LCLAT1: variants seen among roughly 807,000 people sequenced by gnomAD.
The protein encoded by LCLAT1 is lysocardiolipin acyltransferase 1, also known as 1-AGP acyltransferase 8.
A neutral mutation model predicts 30.7 loss-of-function variants in LCLAT1; 11 were observed. The ratio of observed to expected loss-of-function variants is 0.36; its 90% confidence interval spans 0.23 to 0.59. The LOEUF (loss-of-function observed/expected upper bound fraction) is 0.59, where lower values mean the gene tolerates loss of function less well. LCLAT1 is among the 20% of genes least tolerant of loss of function. The probability of loss-of-function intolerance (pLI) is 0.77; values close to 1 mark genes in which losing one functional copy is unlikely to be tolerated. For missense variants in LCLAT1, 402 were observed against 458.6 expected (o/e 0.88, Z 1.13); for synonymous variants, 155 against 151.3 (o/e 1.02, Z -0.18).
chr2:30,516,684 T>TA (rs1478081381), intron 1 of LCLAT1, among the ~76,000 whole-genome samples: 1 of 152,120 alleles, frequency 6.6e-6, no homozygotes, highest in African/African-American at 2.4e-5. Flanking sequence ...TTGAGAGCTC[T>TA]AAGAACAAAG....
chr2:30,604,672 AAAAAAAAAAAAGT>A (rs1667348249), intron 5 of LCLAT1, among the ~76,000 whole-genome samples: 1 of 150,312 alleles, frequency 6.7e-6, no homozygotes, highest in African/African-American at 2.5e-5. Context: ...AAAAAAAAAA[AAAAAAAAAAAAGT>A]AAACATCATT....
At chr2:30,622,307 T>TC (rs916575236) in intron 5 of LCLAT1, among the ~76,000 whole-genome samples, 3 of 152,130 alleles carry the variant, frequency 2.0e-5, no homozygotes, top group African/African-American at 7.2e-5. Flanking sequence ...CACTTGATGG[T>TC]CTTTCTCTGA....
chr2:30,640,020 G>A, intron 5 of LCLAT1, 97 bp from the exon 6 acceptor site: 1 of 925,682 alleles, frequency 1.1e-6, no homozygotes, highest in South Asian at 1.6e-5. Flanking sequence ...ACACTGTCCT[G>A]ATTTTTCGGT....
intron 5 of LCLAT1, among the ~76,000 whole-genome samples, chr2:30,593,581 T>C (rs1442773719): frequency 6.6e-6 from 1 of 152,182 alleles, no homozygotes; most frequent in African/African-American, 2.4e-5. Context: ...TTTATTTCTG[T>C]GAGTAATGTT....
chr2:30,628,674 C>T (rs962148395), intron 5 of LCLAT1, among the ~76,000 whole-genome samples: 1 of 151,948 alleles, frequency 6.6e-6, no homozygotes, highest in African/African-American at 2.4e-5. Flanking sequence ...GAAAGGAGAT[C>T]GGTGCCATAA....
intron 5 of LCLAT1, among the ~76,000 whole-genome samples, chr2:30,575,995 C>A (rs1572647168): frequency 6.6e-6 from 1 of 151,956 alleles, no homozygotes; most frequent in East Asian, 1.9e-4. Context: ...CTTATGGCAC[C>A]ATTAATAAAA....
intron 5 of LCLAT1, among the ~76,000 whole-genome samples, chr2:30,595,642 A>G (rs1666898303): frequency 6.6e-6 from 1 of 152,086 alleles, no homozygotes; most frequent in Non-Finnish European, 1.5e-5. Flanking sequence ...TATCAAGGTA[A>G]TTTTATTTTA....
intron 1 of LCLAT1, among the ~76,000 whole-genome samples, chr2:30,515,016 C>T (rs1685115738): frequency 6.6e-6 from 1 of 152,132 alleles, no homozygotes; most frequent in African/African-American, 2.4e-5. Flanking sequence ...CTCCCTCAGG[C>T]CTATGTTGTT....
intron 1 of LCLAT1, among the ~76,000 whole-genome samples, chr2:30,472,119 A>G (rs1247974825): frequency 6.6e-6 from 1 of 152,198 alleles, no homozygotes; most frequent in Non-Finnish European, 1.5e-5. Context: ...TTGCTAGTTT[A>G]TGGGACATAG....
At chr2:30,457,822 C>T (rs779636325) in intron 1 of LCLAT1, among the ~76,000 whole-genome samples, 1 of 152,096 alleles carries the variant, frequency 6.6e-6, no homozygotes, top group African/African-American at 2.4e-5. Context: ...CGATTTGGGT[C>T]ACGGAATTTT....
intron 5 of LCLAT1, among the ~76,000 whole-genome samples, chr2:30,593,321 G>A (rs1053266136): frequency 1.3e-5 from 2 of 152,132 alleles, no homozygotes; most frequent in African/African-American, 4.8e-5. Context: ...TTGATAGACA[G>A]GTTCTAAGTC....
chr2:30,482,293 T>C (rs1321265453), intron 1 of LCLAT1, among the ~76,000 whole-genome samples: 1 of 152,082 alleles, frequency 6.6e-6, no homozygotes, highest in Non-Finnish European at 1.5e-5. Flanking sequence ...GTAGGTTAGA[T>C]TTTTTTTCCA....
At chr2:30,469,597 G>A (rs1225603276) in intron 1 of LCLAT1, among the ~76,000 whole-genome samples, 1 of 25,568 alleles carries the variant, frequency 3.9e-5, no homozygotes, top group African/African-American at 2.4e-4. Context: ...TTTTTTTTTT[G>A]AGACGGAGTC....
At chr2:30,474,710 A>T (rs1445163158) in intron 1 of LCLAT1, among the ~76,000 whole-genome samples, 1 of 150,554 alleles carries the variant, frequency 6.6e-6, no homozygotes, top group Non-Finnish European at 1.5e-5. Context: ...GTGCAGTGGC[A>T]CAATCCCAGC....
At chr2:30,634,983 G>A (rs924449113) in intron 5 of LCLAT1, among the ~76,000 whole-genome samples, 1 of 152,202 alleles carries the variant, frequency 6.6e-6, no homozygotes, top group Non-Finnish European at 1.5e-5. Flanking sequence ...GGTCTTGATA[G>A]GATATGAGAA....
At chr2:30,616,728 T>TA (rs1302938693) in intron 5 of LCLAT1, among the ~76,000 whole-genome samples, 1 of 152,048 alleles carries the variant, frequency 6.6e-6, no homozygotes, top group East Asian at 1.9e-4. Context: ...TATCTTGCAT[T>TA]AACCAGGAAA....
chr2:30,510,844 C>A (rs1263819551), intron 1 of LCLAT1, among the ~76,000 whole-genome samples: 1 of 152,012 alleles, frequency 6.6e-6, no homozygotes, highest in Non-Finnish European at 1.5e-5. Flanking sequence ...TTTTGCTAAT[C>A]ATTTTTGCTG....
intron 2 of LCLAT1, among the ~76,000 whole-genome samples, chr2:30,528,590 A>G (rs182248602): frequency 4.6e-5 from 7 of 152,318 alleles, no homozygotes; most frequent in Admixed American, 4.6e-4. Flanking sequence ...ATATCAATAT[A>G]GTACAATTTT....
chr2:30,468,698 C>A (rs1238386954), intron 1 of LCLAT1, among the ~76,000 whole-genome samples: 1 of 152,176 alleles, frequency 6.6e-6, no homozygotes, highest in Non-Finnish European at 1.5e-5. Flanking sequence ...CTCCCTTCTA[C>A]CCAGCCTCTG....
Sources: allele counts gnomAD v4.1 joint callset (sites outside exome capture counted in the v4.1 genomes callset), GRCh38; gene constraint gnomAD v4.1.1; transcripts MANE v1.5; gene names NCBI Gene and HGNC (gene_info 2026-07-23, HGNC 2026-07-21).